The following PHACTR4 variants were observed in gnomAD, a reference collection of about 807,000 sequenced individuals.
PHACTR4 encodes phosphatase and actin regulator 4.
PHACTR4 carries 51 observed loss-of-function variants against 72.7 expected under a neutral mutation model. That is an observed-to-expected ratio of 0.70 (90% CI 0.56 to 0.89). PHACTR4 has a LOEUF of 0.89. PHACTR4 is among the 40% of genes least tolerant of loss of function. The pLI, the probability that PHACTR4 is intolerant of heterozygous loss-of-function variation, is 0.00. For synonymous variants in PHACTR4, 255 were observed against 302.5 expected (o/e 0.84, Z 1.63); for missense variants, 731 against 861.8 (o/e 0.85, Z 1.90).
chr1:28,399,488 C>G (rs907090817), intron 1 of PHACTR4, among the ~76,000 whole-genome samples: 5 of 152,176 alleles, frequency 3.3e-5, no homozygotes, highest in Admixed American at 6.6e-5. Flanking sequence ...TTGGTTTTCT[C>G]ATGGCTCACA....
At chr1:28,464,505 G>C (rs534327783) in intron 4 of PHACTR4, among the ~76,000 whole-genome samples, 1 of 152,248 alleles carries the variant, frequency 6.6e-6, no homozygotes, top group South Asian at 2.1e-4. Context: ...TTTGAGCCCA[G>C]GAGTTCAAGG....
intron 2 of PHACTR4, among the ~76,000 whole-genome samples, chr1:28,450,482 CG>C (rs1313115126): frequency 1.3e-5 from 2 of 152,012 alleles, no homozygotes; most frequent in Non-Finnish European, 2.9e-5. Flanking sequence ...GCAGAATTGG[CG>C]TATGAACAGT....
chr1:28,387,171 G>T (rs2124172718), intron 1 of PHACTR4, among the ~76,000 whole-genome samples: 1 of 148,828 alleles, frequency 6.7e-6, no homozygotes, highest in East Asian at 2.0e-4. Context: ...TGAGGTAGGA[G>T]AATCACTTGA....
intron 1 of PHACTR4, among the ~76,000 whole-genome samples, chr1:28,378,198 T>TTAAAAAAAA (rs1651844010): frequency 1.3e-5 from 1 of 76,386 alleles, no homozygotes; most frequent in African/African-American, 6.3e-5. Context: ...CTCCATCTCA[T>TTAAAAAAAA]AAAAAAAAAA....
intron 2 of PHACTR4, among the ~76,000 whole-genome samples, chr1:28,445,887 G>A (rs923266754): frequency 7.1e-5 from 9 of 126,336 alleles, no homozygotes; most frequent in African/African-American, 4.0e-4. Flanking sequence ...GAGCGAGACT[G>A]TGTTTGAAAA....
intron 2 of PHACTR4, among the ~76,000 whole-genome samples, chr1:28,411,798 T>C (rs911757725): frequency 1.2e-4 from 18 of 148,986 alleles, no homozygotes; most frequent in African/African-American, 3.7e-4. Flanking sequence ...CCAAAACCTA[T>C]TGAAGTAAAA....
intron 2 of PHACTR4, among the ~76,000 whole-genome samples, chr1:28,423,632 A>G (rs1197878769): frequency 1.3e-5 from 2 of 152,134 alleles, no homozygotes; most frequent in Non-Finnish European, 2.9e-5. Context: ...CAAAGAATGG[A>G]GACTCAGATC....
intron 1 of PHACTR4, among the ~76,000 whole-genome samples, chr1:28,396,847 T>TTC (rs1653548177): frequency 7.2e-5 from 2 of 27,608 alleles, no homozygotes; most frequent in African/African-American, 1.6e-4. Flanking sequence ...CTTTCTTTCT[T>TTC]TTTTTTTTTT....
chr1:28,445,448 C>G (rs1657392168), intron 2 of PHACTR4, among the ~76,000 whole-genome samples: 1 of 151,866 alleles, frequency 6.6e-6, no homozygotes, highest in South Asian at 2.1e-4. Context: ...AACCATTTGG[C>G]TTGGAACTTT....
chr1:28,462,826 G>A (rs1452451711), intron 4 of PHACTR4, among the ~76,000 whole-genome samples: 1 of 152,148 alleles, frequency 6.6e-6, no homozygotes, highest in South Asian at 2.1e-4. Flanking sequence ...AAACAGGGAT[G>A]GGCCTCATGC....
intron 1 of PHACTR4, among the ~76,000 whole-genome samples, chr1:28,375,554 T>C (rs1037155496): frequency 6.6e-6 from 1 of 151,390 alleles, no homozygotes; most frequent in Admixed American, 6.6e-5. Flanking sequence ...GGCATGGTAG[T>C]GGACATCTGT....
rs1483743047 is a variant in PHACTR4, at chr1:28,466,398, G to A, written c.453G>A (p.Gln151=). 3 of 1,611,346 alleles carry A rather than the reference G, an allele frequency of 1.9e-6. No individual in the cohort carries two copies. The highest frequency in any genetic ancestry group is 2.7e-5 in the African/African-American group (2 of 74,836). The part of the protein sequence containing the change: ...LKKRLGSTGS[Q]PNSEAESVPE... ...ATTACACAGGCTCAACTGGAAGCCA[G>A]CCTAATTCTGAAGCAGAGTCTGTTC... The change falls in exon 6 of 14, where the codon CAG becomes CAA. Residue 151 remains glutamine (Q), a synonymous_variant. Coordinates refer to ENST00000373839, the MANE Select transcript of PHACTR4 (RefSeq NM_001048183.3).
intron 2 of PHACTR4, among the ~76,000 whole-genome samples, chr1:28,435,697 C>T (rs899335775): frequency 1.3e-5 from 2 of 152,208 alleles, no homozygotes; most frequent in Non-Finnish European, 2.9e-5. Flanking sequence ...CTCCAAAGCT[C>T]ATGCTCTTAA....
chr1:28,490,347 T>C (rs138149194), intron 10 of PHACTR4, among the ~76,000 whole-genome samples: 15,757 of 151,818 alleles, frequency 0.1, 1,882 homozygotes, highest in African/African-American at 0.3. Flanking sequence ...CTGGCTAACA[T>C]GGTGAAACCC....
intron 2 of PHACTR4, among the ~76,000 whole-genome samples, chr1:28,454,270 CT>C (rs945039969): frequency 0.018 from 1,750 of 95,102 alleles, 10 homozygotes; most frequent in African/African-American, 0.067. Context: ...ATCACTTTGT[CT>C]TTTTTTTTTT....
At chr1:28,453,694 T>G in intron 2 of PHACTR4, 1 of 1,258,226 alleles carries the variant, frequency 7.9e-7, no homozygotes, top group Non-Finnish European at 1.1e-6. Flanking sequence ...CTGGTTCCTC[T>G]TACTTCAATT....
intron 2 of PHACTR4, among the ~76,000 whole-genome samples, chr1:28,413,959 G>A (rs1291402953): frequency 6.6e-6 from 1 of 152,148 alleles, no homozygotes; most frequent in Non-Finnish European, 1.5e-5. Flanking sequence ...CACTGTGTTT[G>A]GATGGTAAGG....
rs1036142449 is a variant in PHACTR4, at chr1:28,499,262, A to C, written c.*2713A>C. ...GCGATTCTCCTACCTCAGCCTCCCA[A>C]GTAGCTAGGATTACAGGCATGAGCC... On this transcript the variant is annotated 3_prime_UTR_variant, in exon 14 of 14. Transcript: ENST00000373839. 1 of 151,604 alleles carries C rather than the reference A, an allele frequency of 6.6e-6. No individual in the cohort carries two copies. The allele number at this position is 151,604 out of a possible 1,614,324, so 9.4% of individuals were successfully genotyped here.
chr1:28,415,133 C>G (rs1196705887), intron 2 of PHACTR4, among the ~76,000 whole-genome samples: 1 of 151,804 alleles, frequency 6.6e-6, no homozygotes, highest in African/African-American at 2.4e-5. Context: ...TGATGGCGTG[C>G]TACTGTAGTC....
Sources: allele counts gnomAD v4.1 joint callset (sites outside exome capture counted in the v4.1 genomes callset), GRCh38; gene constraint gnomAD v4.1.1; transcripts MANE v1.5; gene names NCBI Gene and HGNC (gene_info 2026-07-23, HGNC 2026-07-21).